The following KLHDC1 variants were observed in gnomAD, a reference collection of about 807,000 sequenced individuals.
The protein encoded by KLHDC1 is kelch domain-containing protein 1.
A neutral mutation model predicts 68.3 loss-of-function variants in KLHDC1; 53 were observed. The observed-to-expected ratio is 0.78, with a 90% CI of 0.62 to 0.98. The LOEUF (loss-of-function observed/expected upper bound fraction) is 0.98, where lower values mean the gene tolerates loss of function less well. Among genes scored for constraint, KLHDC1 ranks in the 50% least tolerant of loss-of-function variants. The pLI is 0.00. For missense variants in KLHDC1, 470 were observed against 492.3 expected (o/e 0.95, Z 0.43); for synonymous variants, 148 against 159.0 (o/e 0.93, Z 0.52).
intron 1 of KLHDC1, among the ~76,000 whole-genome samples, chr14:49,708,019 T>TA (rs1888103037): frequency 6.6e-6 from 1 of 151,806 alleles, no homozygotes; most frequent in Admixed American, 6.6e-5. Flanking sequence ...GTTAATAACT[T>TA]ATGTATTATA....
chr14:49,714,447 TG>T (rs1482284908), intron 4 of KLHDC1, among the ~76,000 whole-genome samples: 1 of 151,388 alleles, frequency 6.6e-6, no homozygotes. Context: ...CACTCGAGCC[TG>T]GGTAACAGAG....
intron 10 of KLHDC1, among the ~76,000 whole-genome samples, chr14:49,738,810 T>C (rs1381734305): frequency 6.6e-6 from 1 of 152,250 alleles, no homozygotes; most frequent in Non-Finnish European, 1.5e-5. Context: ...CCCTAATTTG[T>C]AGCATTTGCC....
intron 4 of KLHDC1, among the ~76,000 whole-genome samples, chr14:49,713,756 G>A (rs1377943039): frequency 2.0e-4 from 27 of 137,856 alleles, no homozygotes; most frequent in African/African-American, 7.3e-4. Flanking sequence ...GTGTGGTGGC[G>A]TACGCCTGTG....
chr14:49,705,353 ATTTC>A (rs1888019607), intron 1 of KLHDC1, among the ~76,000 whole-genome samples: 4 of 71,138 alleles, frequency 5.6e-5, no homozygotes, highest in African/African-American at 1.8e-4. Context: ...CTTTCATAAT[ATTTC>A]TTTCTTTCTT....
intron 1 of KLHDC1, chr14:49,700,215 C>G (rs778967513): frequency 2.6e-5 from 5 of 194,304 alleles, no homozygotes; most frequent in Non-Finnish European, 5.4e-5. Context: ...TTAGTAGAGA[C>G]AGGGTTTCAC....
intron 8 of KLHDC1, among the ~76,000 whole-genome samples, chr14:49,731,663 C>T (rs945961796): frequency 6.6e-6 from 1 of 151,718 alleles, no homozygotes; most frequent in Admixed American, 6.6e-5. Flanking sequence ...TTTCATGCCC[C>T]GTCTCTTTTA....
chr14:49,708,514 T>G (rs907076273), intron 1 of KLHDC1: 4 of 152,218 alleles, frequency 2.6e-5, no homozygotes, highest in Non-Finnish European at 5.9e-5. Flanking sequence ...CAAGTCTTAT[T>G]TATCTTTTCA....
rs184028380 is a variant in KLHDC1, at chr14:49,740,541, G to A, written c.981+359G>A. On this transcript the variant is annotated intron_variant, in intron 11 of 12. Coordinates refer to ENST00000359332, the MANE Select transcript of KLHDC1 (RefSeq NM_172193.3). ...TTTAGTAGAGAGACGGGGTTTCACC[G>A]TGTTAGCCAAGATGGTCTTGATCTC... is the stretch of plus-strand genomic sequence containing the variant. Among the ~76,000 whole-genome samples, 591 of 152,074 alleles carry A rather than the reference G, an allele frequency of 3.9e-3. 1 individual carries two copies. Among genetic ancestry groups the A allele is most frequent in the Middle Eastern group, 0.014 (4 of 294 alleles).
In KLHDC1 at chr14:49,741,310, A is replaced by T. The variant is rs972627254; in HGVS notation, c.981+1128A>T. 1.5e-4 allele frequency among the ~76,000 whole-genome samples: 22 copies of T among 145,930 alleles called. No individual in the cohort carries two copies. The South Asian group carries it at 1.6e-3, about 10-fold the overall frequency. On this transcript the variant is annotated intron_variant, in intron 11 of 12. Transcript: ENST00000359332. ...TTTGTTGAAATATTCCAAGTATATT[A>T]TTATTTTTTTTTTTTGAGACAGGAT...
At chr14:49,711,446 G>A (rs924167133) in intron 4 of KLHDC1, among the ~76,000 whole-genome samples, 4 of 151,922 alleles carry the variant, frequency 2.6e-5, no homozygotes, top group Non-Finnish European at 2.9e-5. Context: ...CTTGTGATCC[G>A]CCCGCCTCGG....
At chr14:49,739,950 CT>C in intron 10 of KLHDC1, 147 bp from the exon 11 acceptor site, 1 of 502,242 alleles carries the variant, frequency 2.0e-6, no homozygotes. Flanking sequence ...CTTTATAACC[CT>C]TTTTAGGATA....
At chr14:49,700,791 A>T (rs960243185) in intron 1 of KLHDC1, among the ~76,000 whole-genome samples, 2 of 152,096 alleles carry the variant, frequency 1.3e-5, no homozygotes, top group Non-Finnish European at 2.9e-5. Context: ...GAAAGGAATT[A>T]TGGAAACAGC....
At chr14:49,730,895 C>A (rs1050701565) in intron 8 of KLHDC1, among the ~76,000 whole-genome samples, 1 of 152,106 alleles carries the variant, frequency 6.6e-6, no homozygotes, top group Non-Finnish European at 1.5e-5. Context: ...TCGCTTGAAC[C>A]CGGGAGGTGG....
At chr14:49,734,132 T>A (rs1431338412) in intron 9 of KLHDC1, among the ~76,000 whole-genome samples, 1 of 152,218 alleles carries the variant, frequency 6.6e-6, no homozygotes, top group African/African-American at 2.4e-5. Context: ...TCCTAACTCA[T>A]AAGCTAGTCA....
At chr14:49,738,656 G>A (rs1888990050) in intron 10 of KLHDC1, among the ~76,000 whole-genome samples, 2 of 152,050 alleles carry the variant, frequency 1.3e-5, no homozygotes, top group Admixed American at 6.6e-5. Context: ...CCTCATGTTT[G>A]CTTTTGTTAA....
chr14:49,700,096 G>C (rs778581003), intron 1 of KLHDC1: 8 of 304,086 alleles, frequency 2.6e-5, no homozygotes, highest in African/African-American at 4.7e-5. Context: ...GCGCGATCTC[G>C]GCTCACTGCA....
intron 6 of KLHDC1, among the ~76,000 whole-genome samples, chr14:49,727,611 A>T (rs1353111755): frequency 6.6e-6 from 1 of 152,210 alleles, no homozygotes; most frequent in Non-Finnish European, 1.5e-5. Context: ...TCAGATTTCC[A>T]GTACTCTTCT....
intron 12 of KLHDC1, among the ~76,000 whole-genome samples, chr14:49,746,886 C>T (rs867253742): frequency 5.9e-5 from 9 of 151,852 alleles, no homozygotes; most frequent in African/African-American, 2.2e-4. Flanking sequence ...TCCCTTACTC[C>T]TTGGACTCTT....
intron 1 of KLHDC1, among the ~76,000 whole-genome samples, chr14:49,699,789 C>G (rs1262569391): frequency 1.3e-5 from 2 of 152,150 alleles, no homozygotes; most frequent in African/African-American, 4.8e-5. Flanking sequence ...ATGGTCGATT[C>G]TAATTGGTAT....
Sources: allele counts gnomAD v4.1 joint callset (sites outside exome capture counted in the v4.1 genomes callset), GRCh38; gene constraint gnomAD v4.1.1; transcripts MANE v1.5; gene names NCBI Gene and HGNC (gene_info 2026-07-23, HGNC 2026-07-21).